Variants in STK32A observed in about 807,000 individuals in gnomAD.
The protein encoded by STK32A is serine/threonine kinase 32A, also known as serine/threonine-protein kinase 32A.
Under a neutral mutation model 53.2 loss-of-function variants are expected in STK32A, and 41 were observed. The ratio of observed to expected loss-of-function variants is 0.77; its 90% CI spans 0.60 to 1.00. STK32A has a LOEUF of 1.00. STK32A is among the 50% of genes least tolerant of loss of function. The pLI, the probability that STK32A is intolerant of heterozygous loss-of-function variation, is 0.00. For missense variants in STK32A, 458 were observed against 485.8 expected (o/e 0.94, Z 0.54); for synonymous variants, 166 against 162.8 (o/e 1.02, Z -0.15).
intron 4 of STK32A, among the ~76,000 whole-genome samples, chr5:147,318,775 CAA>C (rs5872017): frequency 0.2 from 26,458 of 135,428 alleles, 2,442 homozygotes; most frequent in South Asian, 0.32. Flanking sequence ...GACCCTGTCT[CAA>C]AAAAAAAAAA....
chr5:147,369,537 A>C (rs1756915831), intron 8 of STK32A, among the ~76,000 whole-genome samples: 1 of 152,222 alleles, frequency 6.6e-6, no homozygotes, highest in Admixed American at 6.5e-5. Context: ...CTCATTTTAC[A>C]GATGAAGTAA....
At chr5:147,397,871 CCA>C in the STK32A span, 5 of 1,514,114 alleles carry the variant, frequency 3.3e-6, no homozygotes, top group Admixed American at 9.5e-5. Context: ...AGAAGCAAAG[CCA>C]CAGTAAGGGT....
chr5:147,255,145 A>G (rs963110484), intron 2 of STK32A, among the ~76,000 whole-genome samples: 2 of 152,224 alleles, frequency 1.3e-5, no homozygotes, highest in African/African-American at 4.8e-5. Flanking sequence ...CAAAAACAAA[A>G]CAAAAAAGTA....
At chr5:147,346,529 A>G (rs147215231) in intron 6 of STK32A, among the ~76,000 whole-genome samples, 110 of 152,302 alleles carry the variant, frequency 7.2e-4, no homozygotes, top group African/African-American at 2.4e-3. Flanking sequence ...TGGGAAATCC[A>G]CTGTGTGAAT....
intron 4 of STK32A, among the ~76,000 whole-genome samples, chr5:147,286,599 T>C (rs11167986): frequency 0.73 from 110,618 of 151,950 alleles, 40,549 homozygotes; most frequent in Admixed American, 0.8. Flanking sequence ...TTTATTATTC[T>C]TGTCTCACTT....
chr5:147,262,999 C>CA (rs971054862), intron 2 of STK32A, among the ~76,000 whole-genome samples: 4 of 136,152 alleles, frequency 2.9e-5, no homozygotes, highest in South Asian at 4.4e-4. Context: ...TGGAAAAAGA[C>CA]AAAAAAAAAT....
chr5:147,355,480 T>C (rs1444113142), intron 7 of STK32A, among the ~76,000 whole-genome samples: 3 of 151,168 alleles, frequency 2.0e-5, no homozygotes, highest in Non-Finnish European at 4.4e-5. Context: ...GAGATCATCC[T>C]GGCTAACACG....
At chr5:147,349,800 T>C (rs1489655132) in intron 6 of STK32A, among the ~76,000 whole-genome samples, 1 of 152,070 alleles carries the variant, frequency 6.6e-6, no homozygotes, top group Non-Finnish European at 1.5e-5. Flanking sequence ...TAGTGCTCTT[T>C]ATAGAATCCC....
intron 6 of STK32A, among the ~76,000 whole-genome samples, chr5:147,344,131 T>A (rs1218715959): frequency 1.3e-5 from 2 of 152,012 alleles, no homozygotes; most frequent in African/African-American, 4.8e-5. Flanking sequence ...ATGAGGAGAG[T>A]CCTAGATCTT....
chr5:147,393,941 T>C, the STK32A span: 1 of 1,286,100 alleles, frequency 7.8e-7, no homozygotes, highest in Non-Finnish European at 1.1e-6. Context: ...ATCACAACCG[T>C]TTGGATTCGC....
intron 11 of STK32A, among the ~76,000 whole-genome samples, chr5:147,380,998 A>G (rs1757432406): frequency 6.6e-6 from 1 of 152,144 alleles, no homozygotes; most frequent in Non-Finnish European, 1.5e-5. Context: ...ACACGTACCG[A>G]GAGCTTTATT....
chr5:147,397,734 C>T, the STK32A span: 2 of 1,614,076 alleles, frequency 1.2e-6, no homozygotes, highest in East Asian at 4.5e-5. Context: ...AAGCGGCCAG[C>T]CCCCTGGGTC....
chr5:147,401,581 A>T, the STK32A span: 1 of 1,613,694 alleles, frequency 6.2e-7, no homozygotes. Flanking sequence ...TAGTTGGGTC[A>T]GGGCTCAGGG....
At chr5:147,256,986 C>T (rs949233528) in intron 2 of STK32A, among the ~76,000 whole-genome samples, 5 of 152,038 alleles carry the variant, frequency 3.3e-5, no homozygotes, top group African/African-American at 1.2e-4. Flanking sequence ...GAAACCTCAG[C>T]CCCTATAGCA....
At chr5:147,285,680 A>G (rs191460426) in intron 4 of STK32A, among the ~76,000 whole-genome samples, 1 of 152,322 alleles carries the variant, frequency 6.6e-6, no homozygotes, top group African/African-American at 2.4e-5. Flanking sequence ...CAGCAAACAT[A>G]TGAAAAAATG....
intron 7 of STK32A, among the ~76,000 whole-genome samples, chr5:147,353,383 A>G (rs1756075571): frequency 6.6e-6 from 1 of 152,216 alleles, no homozygotes; most frequent in Non-Finnish European, 1.5e-5. Flanking sequence ...CAACAGACTG[A>G]GATATCATTA....
At chr5:147,271,698 G>A (rs144621492) in intron 2 of STK32A, among the ~76,000 whole-genome samples, 1,632 of 152,204 alleles carry the variant, frequency 0.011, 41 homozygotes, top group African/African-American at 0.036. Context: ...AAACTGTAGG[G>A]ATGAAATTAG....
the STK32A span, chr5:147,397,543 A>G: frequency 9.3e-7 from 1 of 1,076,174 alleles, no homozygotes; most frequent in Non-Finnish European, 1.3e-6. Context: ...TGGGGACAAG[A>G]CTGTCACTGA....
intron 4 of STK32A, among the ~76,000 whole-genome samples, chr5:147,305,083 T>TA (rs577348220): frequency 6.6e-6 from 1 of 151,772 alleles, no homozygotes; most frequent in Non-Finnish European, 1.5e-5. Context: ...GACTCTGCTC[T>TA]AAAAAACTAA....
Sources: gnomAD v4.1 joint callset for allele counts (sites outside exome capture counted in the v4.1 genomes callset) on GRCh38, gnomAD v4.1.1 for gene constraint, MANE v1.5 for transcripts, NCBI Gene and HGNC (gene_info 2026-07-23, HGNC 2026-07-21) for gene names.